The following CNTNAP2 variants were observed in gnomAD, a reference collection of about 807,000 sequenced individuals.
CNTNAP2 encodes contactin-associated protein-like 2.
A neutral mutation model predicts 155.2 loss-of-function variants in CNTNAP2; 98 were observed. The observed-to-expected ratio is 0.63, with a 90% CI of 0.54 to 0.75. The LOEUF (loss-of-function observed/expected upper bound fraction) is 0.75. Among genes scored for constraint, CNTNAP2 ranks in the 30% least tolerant of loss-of-function variants. The pLI is 0.00. For missense variants in CNTNAP2, 1,727 were observed against 1,688.1 expected, an observed-to-expected ratio of 1.02 and a Z score of -0.40; for synonymous variants, 651 against 631.2, an observed-to-expected ratio of 1.03 and a Z score of -0.47.
At position 146,237,430 on chromosome 7, in the gene CNTNAP2, G is replaced by A. The variant is rs115926725; in HGVS notation, c.97+120457G>A. On this transcript the variant is annotated intron_variant, in intron 1 of 23. Coordinates refer to ENST00000361727, the MANE Select transcript of CNTNAP2 (RefSeq NM_014141.6). ...AGCTTGAAACAATTACTTTGATTTA[G>A]AAAAAATAATGAGATCTGACATACT... is the stretch of plus-strand genomic sequence containing the variant. Among the ~76,000 whole-genome samples the A allele has an allele frequency of 5.3e-3, 800 of 152,224 alleles. 4 individuals carry two copies. The highest frequency in any genetic ancestry group is 0.018 in the African/African-American group (761 of 41,534).
intron 1 of CNTNAP2, among the ~76,000 whole-genome samples, chr7:146,624,545 A>G (rs1049012883): frequency 1.3e-5 from 2 of 151,946 alleles, no homozygotes; most frequent in Non-Finnish European, 2.9e-5. Flanking sequence ...TTAAATATTA[A>G]TTTTGTTTGT....
intron 11 of CNTNAP2, among the ~76,000 whole-genome samples, chr7:147,502,307 T>G (rs1260699685): frequency 6.6e-6 from 1 of 152,040 alleles, no homozygotes; most frequent in East Asian, 1.9e-4. Flanking sequence ...ATACTAAGTG[T>G]GAGGGAAATG....
chr7:147,213,463 C>T (rs530394643), intron 8 of CNTNAP2, among the ~76,000 whole-genome samples: 5 of 152,014 alleles, frequency 3.3e-5, no homozygotes, highest in Non-Finnish European at 5.9e-5. Context: ...ACCATAACAC[C>T]AAGGAAATCA....
intron 13 of CNTNAP2, among the ~76,000 whole-genome samples, chr7:147,783,067 G>T (rs1464196135): frequency 6.6e-6 from 1 of 152,132 alleles, no homozygotes; most frequent in Non-Finnish European, 1.5e-5. Flanking sequence ...TTTGCCAAAT[G>T]AAGCAAGCCT....
chr7:147,186,347 C>A (rs1271567652), intron 8 of CNTNAP2, among the ~76,000 whole-genome samples: 1 of 152,126 alleles, frequency 6.6e-6, no homozygotes, highest in Non-Finnish European at 1.5e-5. Flanking sequence ...CATAGAAGAT[C>A]TTTTCTGTTC....
intron 10 of CNTNAP2, among the ~76,000 whole-genome samples, chr7:147,478,547 G>C (rs758418055): frequency 7.2e-5 from 11 of 152,258 alleles, no homozygotes; most frequent in Non-Finnish European, 1.5e-4. Flanking sequence ...AGGTGGCCCG[G>C]GGCTAGTATG....
chr7:147,423,348 T>A (rs1797328040), intron 10 of CNTNAP2, among the ~76,000 whole-genome samples: 1 of 152,172 alleles, frequency 6.6e-6, no homozygotes, highest in African/African-American at 2.4e-5. Flanking sequence ...TGCAGTAATT[T>A]ATATGCCCAA....
At chr7:146,453,215 C>A (rs1796507952) in intron 1 of CNTNAP2, among the ~76,000 whole-genome samples, 1 of 152,150 alleles carries the variant, frequency 6.6e-6, no homozygotes, top group Admixed American at 6.6e-5. Context: ...CTATCTGAGG[C>A]AGGTAAATAA....
chr7:147,980,556 C>T lies in CNTNAP2; in HGVS notation c.2383+2567C>T, dbSNP rs558868201. On this transcript the variant is annotated intron_variant, in intron 15 of 23. Coordinates refer to ENST00000361727, the MANE Select transcript of CNTNAP2 (RefSeq NM_014141.6). ...GAAATCTCATTGTTTTCCAGGCAACCGAGAATAAGTATCCTACCTGGTACT... is the reference window on the plus strand; with the variant it reads ...GAAATCTCATTGTTTTCCAGGCAACTGAGAATAAGTATCCTACCTGGTACT... 2.3e-3 allele frequency among the ~76,000 whole-genome samples: 344 copies of T among 152,106 alleles called. 3 individuals are homozygous for T. Among genetic ancestry groups the T allele is most frequent in the African/African-American group, 8.1e-3 (334 of 41,472 alleles).
intron 21 of CNTNAP2, among the ~76,000 whole-genome samples, chr7:148,316,928 G>A (rs1183822036): frequency 6.6e-6 from 1 of 152,206 alleles, no homozygotes; most frequent in Non-Finnish European, 1.5e-5. Flanking sequence ...ATCTGGAATA[G>A]TTCAGCCTCA....
intron 4 of CNTNAP2, among the ~76,000 whole-genome samples, chr7:147,071,791 G>A (rs1320256418): frequency 1.3e-5 from 2 of 152,180 alleles, no homozygotes; most frequent in Admixed American, 1.3e-4. Flanking sequence ...CTAGACAGAG[G>A]ATCACAAATA....
intron 15 of CNTNAP2, among the ~76,000 whole-genome samples, chr7:148,096,456 A>C (rs1803973170): frequency 6.6e-6 from 1 of 152,168 alleles, no homozygotes; most frequent in Non-Finnish European, 1.5e-5. Flanking sequence ...CATAGAGATT[A>C]ATCACATAGA....
chr7:146,589,637 T>TA (rs1273599002), intron 1 of CNTNAP2, among the ~76,000 whole-genome samples: 1 of 151,686 alleles, frequency 6.6e-6, no homozygotes, highest in Non-Finnish European at 1.5e-5. Context: ...TTAGGAGAAA[T>TA]ACCTAATGCA....
At chr7:147,903,439 T>C in intron 13 of CNTNAP2, 126 bp from the exon 14 acceptor site, 3 of 1,020,602 alleles carry the variant, frequency 2.9e-6, no homozygotes, top group Non-Finnish European at 3.0e-6. Context: ...TGAAATAAAT[T>C]GACTTTTAAG....
At chr7:148,249,613 A>G (rs770557159) in intron 20 of CNTNAP2, among the ~76,000 whole-genome samples, 2 of 152,240 alleles carry the variant, frequency 1.3e-5, no homozygotes, top group South Asian at 2.1e-4. Flanking sequence ...TCCGAACACA[A>G]TATCTCCAAA....
At chr7:146,140,613 T>C (rs903473337) in intron 1 of CNTNAP2, among the ~76,000 whole-genome samples, 5 of 152,186 alleles carry the variant, frequency 3.3e-5, no homozygotes, top group African/African-American at 1.2e-4. Context: ...CATCTCTCAT[T>C]ATTTCTTTTG....
At chr7:148,266,164 C>A (rs1454934960) in intron 20 of CNTNAP2, among the ~76,000 whole-genome samples, 1 of 152,186 alleles carries the variant, frequency 6.6e-6, no homozygotes, top group Non-Finnish European at 1.5e-5. Context: ...ATAACCCGCA[C>A]CTCTCGTCAT....
rs1228206778 is a variant in CNTNAP2, at chr7:146,333,372, AT to A, written c.97+216400del. 2.0e-5 allele frequency among the ~76,000 whole-genome samples: 3 copies of A among 152,172 alleles called. No homozygotes were observed. In the East Asian group the frequency reaches 5.8e-4, roughly 29 times the overall value. On this transcript the variant is annotated intron_variant, in intron 1 of 23. Transcript: ENST00000361727. Reference sequence around the variant, plus strand: ...TTGTAATTTACTTTTGAATTTTCAAATGTTTTGTTGACCTAAACTATAAGTA... The same window carrying A: ...TTGTAATTTACTTTTGAATTTTCAAAGTTTTGTTGACCTAAACTATAAGTA...
At chr7:148,119,647 A>G (rs921584872) in intron 16 of CNTNAP2, among the ~76,000 whole-genome samples, 2 of 152,202 alleles carry the variant, frequency 1.3e-5, no homozygotes, top group African/African-American at 2.4e-5. Flanking sequence ...CTGAAATGCT[A>G]TTGGATTCAC....
Sources: gnomAD v4.1 joint callset for allele counts (sites outside exome capture counted in the v4.1 genomes callset) on GRCh38, gnomAD v4.1.1 for gene constraint, MANE v1.5 for transcripts, NCBI Gene and HGNC (gene_info 2026-07-23, HGNC 2026-07-21) for gene names.